The following CSPG4 variants were observed in gnomAD, a reference collection of about 807,000 sequenced individuals.
CSPG4 encodes the protein chondroitin sulfate proteoglycan 4.
A neutral mutation model predicts 139.3 loss-of-function variants in CSPG4; 74 were observed. That is an observed-to-expected ratio of 0.53 (90% CI 0.44 to 0.64). CSPG4 has a LOEUF of 0.64. Among genes scored for constraint, CSPG4 ranks in the 30% least tolerant of loss-of-function variants. The pLI, the probability that CSPG4 is intolerant of heterozygous loss-of-function variation, is 0.00. For synonymous variants in CSPG4, 1,234 were observed against 1,394.2 expected (o/e 0.89, Z 2.56); for missense variants, 2,565 against 3,148.3 (o/e 0.81, Z 4.43).
chr15:75,690,489 A>G lies in CSPG4; in HGVS notation c.576T>C (p.Cys192=), dbSNP rs372141978. The change falls in exon 3 of 10, where the codon TGT becomes TGC. Residue 192 remains cysteine, a synonymous_variant. Transcript: ENST00000308508. Reference sequence around the variant, plus strand: ...CATCACTGGCAGAAAACTCTTCAGCACAGCCCTCATGCACATCGGGGGTCA... The same window carrying G: ...CATCACTGGCAGAAAACTCTTCAGCGCAGCCCTCATGCACATCGGGGGTCA... ...RPLTPDVHEG[C]AEEFSASDDV... The G allele has an allele frequency of 4.4e-6, 7 of 1,609,114 alleles. No individual in the cohort carries two copies. The East Asian group carries it at 8.9e-5, about 21-fold the overall frequency.
At chr15:75,692,991 A>G in intron 2 of CSPG4, 79 bp downstream of exon 2, 1 of 672,552 alleles carries the variant, frequency 1.5e-6, no homozygotes, top group Non-Finnish European at 2.6e-6. Flanking sequence ...AAGGTCACAC[A>G]GCCAGCTGGG....
Position 75,698,873 on chromosome 15 carries a change from T to G in CSPG4, c.89-5640A>C, listed in dbSNP as rs1490801717. Among the ~76,000 whole-genome samples, 2 of 151,950 alleles carry G rather than the reference T, an allele frequency of 1.3e-5. No homozygotes were observed. The highest frequency in any genetic ancestry group is 3.9e-4 in the East Asian group (2 of 5,160). ...GGTAGGTTACAGGGGAGACTTAAGG[T>G]CAGACTAAGGGGAGCGACCTGCCCA... On this transcript the variant is annotated intron_variant, in intron 1 of 9. Coordinates refer to ENST00000308508, the MANE Select transcript of CSPG4 (RefSeq NM_001897.5). The surrounding 1 kb of genome is among the most constrained non-coding windows in gnomAD (Gnocchi z 4.3).
rs976405954 is a variant in CSPG4 at position 75,698,627 on chromosome 15, G to A, written c.89-5394C>T. Among the ~76,000 whole-genome samples the A allele has an allele frequency of 2.0e-5, 3 of 152,068 alleles. No individual in the cohort carries two copies. Among genetic ancestry groups the A allele is most frequent in the African/African-American group, 7.2e-5 (3 of 41,396 alleles). ...GAGGAAGGGGTGCGCTGGGTCCCTG[G>A]TCTGGCCCCACTGTGGGCCCTGGAT... On this transcript the variant is annotated intron_variant, in intron 1 of 9. Transcript: ENST00000308508. This position sits in a 1 kb window ranked among gnomAD's most constrained non-coding sequence, Gnocchi z 4.3.
rs372536176 is a variant in CSPG4 at position 75,700,835 on chromosome 15, G to A, written c.89-7602C>T. ...GGAAATGGTGACTGTGGGTCTGGAC[G>A]GCTGCCTGGACCTGAAATCTGGTGG... On this transcript the variant is annotated intron_variant, in intron 1 of 9. Coordinates refer to ENST00000308508, the MANE Select transcript of CSPG4 (RefSeq NM_001897.5). 1.1e-3 allele frequency among the ~76,000 whole-genome samples: 160 copies of A among 152,268 alleles called. 2 individuals carry two copies. The South Asian group carries it at 0.022, about 21-fold the overall frequency.
rs779447240 is a variant in CSPG4 at position 75,677,741 on chromosome 15, G to C, written c.5096C>G (p.Ala1699Gly). Residue 1699 changes from alanine to glycine, a missense_variant, in exon 9 of 10, where the codon GCC (alanine) becomes GGC (glycine). By Grantham distance (60) the Ala-to-Gly change is moderately conservative. This residue lies in a region of CSPG4 where 2,316 missense variants were observed against 2,818.2 expected (regional missense o/e 0.82). Coordinates refer to ENST00000308508, the MANE Select transcript of CSPG4 (RefSeq NM_001897.5). ...GAGGTGGCTGGGGCGCTGGGGACAG[G>C]CAGCCTCAAAAGACACAGCCACAGC... ...TLAVAVSFEA[A>G]CPQRPSHLWK... is the part of the protein sequence containing the mutation. 3.1e-6 allele frequency: 5 copies of C among 1,608,208 alleles called. No individual in the cohort carries two copies. Among genetic ancestry groups the C allele is most frequent in the Non-Finnish European group, 4.2e-6 (5 of 1,177,622 alleles).
At chr15:75,695,119 C>T (rs1894209521) in intron 1 of CSPG4, among the ~76,000 whole-genome samples, 2 of 152,236 alleles carry the variant, frequency 1.3e-5, no homozygotes, top group South Asian at 2.1e-4. Context: ...AGGGTTCCCC[C>T]TCCCCAAGAA....
chr15:75,713,274 C>T (rs186482394), upstream of CSPG4, among the ~76,000 whole-genome samples: 878 of 152,286 alleles, frequency 5.8e-3, 8 homozygotes, highest in African/African-American at 0.02. Context: ...TGCTTTGCCT[C>T]GGAGGTCCCC....
chr15:75,678,155 G>A (rs1206285804), intron 8 of CSPG4, among the ~76,000 whole-genome samples: 1 of 152,198 alleles, frequency 6.6e-6, no homozygotes, highest in African/African-American at 2.4e-5. Flanking sequence ...GGAATGCAAT[G>A]ATCTGTCTGT....
At chr15:75,710,741 C>T (rs1171963354) in intron 1 of CSPG4, among the ~76,000 whole-genome samples, 4 of 152,176 alleles carry the variant, frequency 2.6e-5, no homozygotes, top group East Asian at 1.9e-4. Context: ...ACGCCTTCCT[C>T]AGGCAGGGGC....
At position 75,676,501 on chromosome 15, in the gene CSPG4, G is replaced by A. The variant is rs758030343; in HGVS notation, c.6018C>T (p.Asp2006=). ...PTSAFSQFQI[D]QGEVVFAFTN... is the part of the protein sequence containing the mutation. Reference sequence around the variant, plus strand: ...TGAAGGCAAAGACCACCTCGCCCTGGTCTATCTGGAATTGGCTGAAGGCCG... The same window carrying A: ...TGAAGGCAAAGACCACCTCGCCCTGATCTATCTGGAATTGGCTGAAGGCCG... Residue 2006 remains aspartate (D), a synonymous_variant, in exon 10 of 10, where the codon GAC becomes GAT. Transcript: ENST00000308508. 7 of 1,613,822 alleles carry A rather than the reference G, an allele frequency of 4.3e-6. No individual in the cohort carries two copies. The East Asian group carries it at 1.6e-4, about 36-fold the overall frequency.
chr15:75,690,892 G>A (rs1894157330), intron 2 of CSPG4, 80 bp from the exon 3 acceptor site: 7 of 1,445,900 alleles, frequency 4.8e-6, no homozygotes, highest in African/African-American at 2.8e-5. Context: ...AGAGCCGGGC[G>A]TGATTGCAGT....
At chr15:75,677,472 T>C in intron 9 of CSPG4, 88 bp from the exon 10 acceptor site, 1 of 1,346,870 alleles carries the variant, frequency 7.4e-7, no homozygotes, top group Non-Finnish European at 9.7e-7. Flanking sequence ...GGCAAGGATG[T>C]GCCTCCCCCC....
chr15:75,685,887 G>T (rs973207524), intron 3 of CSPG4, among the ~76,000 whole-genome samples, 186 bp from the exon 4 acceptor site: 1 of 152,138 alleles, frequency 6.6e-6, no homozygotes, highest in Non-Finnish European at 1.5e-5. Context: ...CATGCAGCTG[G>T]TCACATTTTT....
chr15:75,696,397 C>T lies in CSPG4; in HGVS notation c.89-3164G>A, dbSNP rs1320037957. On this transcript the variant is annotated intron_variant, in intron 1 of 9. Coordinates refer to ENST00000308508, the MANE Select transcript of CSPG4 (RefSeq NM_001897.5). The surrounding 1 kb of genome is among the most constrained non-coding windows in gnomAD (Gnocchi z 4.2). Reference sequence around the variant, plus strand: ...TATGGGTTTCTCTCTCTGGAAGGCGCGTCAGTGGGCGTCCAGGGCTGTATA... The same window carrying T: ...TATGGGTTTCTCTCTCTGGAAGGCGTGTCAGTGGGCGTCCAGGGCTGTATA... Among the ~76,000 whole-genome samples, 1 of 152,042 alleles carries T rather than the reference C, an allele frequency of 6.6e-6. No homozygotes were observed. The highest frequency in any genetic ancestry group is 1.5e-5 in the Non-Finnish European group (1 of 67,992).
At chr15:75,682,806 G>A (rs1453932486) in intron 6 of CSPG4, 37 bp downstream of exon 6, 1 of 1,606,652 alleles carries the variant, frequency 6.2e-7, no homozygotes, top group Admixed American at 1.7e-5. Flanking sequence ...CACCCCCGTG[G>A]GCAGCAGGAA....
chr15:75,688,934 C>T lies in CSPG4; in HGVS notation c.2131G>A (p.Glu711Lys). The T allele has an allele frequency of 6.2e-7, 1 of 1,612,536 alleles. No homozygotes were observed. The highest frequency in any genetic ancestry group is 8.5e-7 in the Non-Finnish European group (1 of 1,180,018). The change falls in exon 3 of 10, where the codon GAG becomes AAG. Residue 711 changes from glutamate (E) to lysine (K), a missense_variant. By Grantham distance (56) the Glu-to-Lys change is moderately conservative (BLOSUM62 1). Around this residue, in one of 5 missense-constraint regions of CSPG4, gnomAD observed 2,316 missense variants for 2,818.2 expected, o/e 0.82. Coordinates refer to ENST00000308508, the MANE Select transcript of CSPG4 (RefSeq NM_001897.5). ...CCACCTGCCCCCTGCTTCTGCAGCT[C>T]CCCAAACTGCAGGGCCCCAGTGACG... ...FRVTGALQFGELQKQGAGGVE... is the reference protein window; with the variant it reads ...FRVTGALQFGKLQKQGAGGVE...
chr15:75,682,162 C>A, intron 8 of CSPG4, 131 bp downstream of exon 8: 1 of 1,207,034 alleles, frequency 8.3e-7, no homozygotes, highest in Non-Finnish European at 1.2e-6. Context: ...AGCGCCTGGA[C>A]AATGGCAGGC....
chr15:75,702,450 C>T (rs1894317786), intron 1 of CSPG4, among the ~76,000 whole-genome samples: 1 of 152,220 alleles, frequency 6.6e-6, no homozygotes, highest in East Asian at 1.9e-4. Context: ...GTTGTCACCT[C>T]TCTCCATTTA....
chr15:75,695,081 C>T (rs534155442), intron 1 of CSPG4, among the ~76,000 whole-genome samples: 8 of 152,284 alleles, frequency 5.3e-5, no homozygotes, highest in African/African-American at 1.9e-4. Flanking sequence ...AACATTTATA[C>T]CAGGAAAAGA....
Sources: allele counts gnomAD v4.1 joint callset (sites outside exome capture counted in the v4.1 genomes callset), GRCh38; gene constraint gnomAD v4.1.1; regional missense constraint gnomAD v4.1.1; non-coding constraint Gnocchi (gnomAD v3.1); transcripts MANE v1.5; gene names NCBI Gene and HGNC (gene_info 2026-07-23, HGNC 2026-07-21).